Variants in CDH12 observed in about 807,000 individuals in gnomAD.
The protein encoded by CDH12 is cadherin-12.
In CDH12, 41 loss-of-function variants were observed where a neutral mutation model predicts 74.1. The observed-to-expected ratio is 0.55, with a 90% CI of 0.43 to 0.72. CDH12 has a LOEUF of 0.72. CDH12 is among the 30% of genes least tolerant of loss of function. CDH12 has a pLI of 0.00. For missense variants in CDH12, 945 were observed against 977.2 expected (o/e 0.97, Z 0.44); for synonymous variants, 399 against 355.0 (o/e 1.12, Z -1.39).
intron 5 of CDH12, among the ~76,000 whole-genome samples, chr5:21,988,319 C>T (rs774430613): frequency 6.6e-6 from 1 of 151,622 alleles, no homozygotes; most frequent in Non-Finnish European, 1.5e-5. Flanking sequence ...TGATGAAAAC[C>T]TCTCTCTACT....
chr5:22,612,756 T>G (rs1737475960), intron 1 of CDH12, among the ~76,000 whole-genome samples: 1 of 152,082 alleles, frequency 6.6e-6, no homozygotes. Flanking sequence ...TTAGCCCTTC[T>G]CCCCTGCTTA....
At chr5:22,645,439 C>T (rs967891283) in intron 1 of CDH12, among the ~76,000 whole-genome samples, 2 of 152,020 alleles carry the variant, frequency 1.3e-5, no homozygotes, top group South Asian at 2.1e-4. Flanking sequence ...GCTGATAAAA[C>T]TTGAACAGAT....
intron 3 of CDH12, among the ~76,000 whole-genome samples, chr5:22,328,825 T>C (rs1443987317): frequency 6.6e-6 from 1 of 152,162 alleles, no homozygotes; most frequent in Admixed American, 6.5e-5. Flanking sequence ...GTCATGGGCT[T>C]TTAAGAAATC....
chr5:22,527,141 T>C lies in CDH12; in HGVS notation c.-522-21777A>G, dbSNP rs527647570. Reference sequence around the variant, plus strand: ...TCATTTCATTTTGTACCAAGCACAGTTCAACTGCTAAAAGTTCTTAGGTCC... The same window carrying C: ...TCATTTCATTTTGTACCAAGCACAGCTCAACTGCTAAAAGTTCTTAGGTCC... On this transcript the variant is annotated intron_variant, in intron 1 of 14. Transcript: ENST00000382254. Among the ~76,000 whole-genome samples the C allele has an allele frequency of 7.2e-5, 11 of 152,216 alleles. No homozygotes were observed. In the East Asian group the frequency reaches 2.1e-3, roughly 29 times the overall value.
At chr5:21,915,468 A>G (rs897607171) in intron 6 of CDH12, among the ~76,000 whole-genome samples, 30 of 152,312 alleles carry the variant, frequency 2.0e-4, no homozygotes, top group Middle Eastern at 6.8e-3. Context: ...AATAATAGGA[A>G]TAAGTGTAAG....
intron 4 of CDH12, among the ~76,000 whole-genome samples, chr5:22,086,489 A>G (rs28607711): frequency 0.35 from 53,240 of 151,826 alleles, 11,565 homozygotes; most frequent in African/African-American, 0.62. Context: ...GATTACAGGC[A>G]CGTGCCAACA....
At chr5:21,999,824 T>C (rs538098968) in intron 5 of CDH12, among the ~76,000 whole-genome samples, 82 of 151,746 alleles carry the variant, frequency 5.4e-4, no homozygotes, top group African/African-American at 1.9e-3. Flanking sequence ...GCATAGACTT[T>C]AAAATCAACT....
At chr5:22,631,698 G>A (rs1738594242) in intron 1 of CDH12, among the ~76,000 whole-genome samples, 2 of 152,152 alleles carry the variant, frequency 1.3e-5, no homozygotes, top group African/African-American at 4.8e-5. Flanking sequence ...TCTGCAGGCT[G>A]TATAGGAAGC....
At chr5:22,789,218 A>G (rs573718232) in intron 1 of CDH12, among the ~76,000 whole-genome samples, 1 of 152,256 alleles carries the variant, frequency 6.6e-6, no homozygotes, top group East Asian at 1.9e-4. Flanking sequence ...AGAGAATTTT[A>G]GTTTTAACTT....
chr5:22,059,253 CTCTATCTATCTA>C (rs11438319), intron 5 of CDH12, among the ~76,000 whole-genome samples: 50 of 144,322 alleles, frequency 3.5e-4, no homozygotes, highest in African/African-American at 1.0e-3. Context: ...TTTCCTTGTA[CTCTATCTATCTA>C]TCTATCTATC....
At chr5:22,494,302 C>T (rs938501313) in intron 2 of CDH12, among the ~76,000 whole-genome samples, 5 of 152,150 alleles carry the variant, frequency 3.3e-5, no homozygotes, top group African/African-American at 7.2e-5. Flanking sequence ...ATCGGTGTGT[C>T]TAAACGGTCC....
intron 6 of CDH12, among the ~76,000 whole-genome samples, chr5:21,952,584 G>A (rs1755912716): frequency 1.3e-5 from 2 of 152,150 alleles, no homozygotes; most frequent in South Asian, 4.1e-4. Flanking sequence ...TTTTGGAATG[G>A]TGTTCTCAGA....
chr5:21,934,235 G>C (rs149172348), intron 6 of CDH12, among the ~76,000 whole-genome samples: 1 of 152,268 alleles, frequency 6.6e-6, no homozygotes, highest in East Asian at 1.9e-4. Context: ...GACGTGATTG[G>C]ATCATAGGGG....
At chr5:21,990,996 T>C (rs1210690179) in intron 5 of CDH12, among the ~76,000 whole-genome samples, 1 of 151,886 alleles carries the variant, frequency 6.6e-6, no homozygotes, top group East Asian at 1.9e-4. Context: ...GAATCTATGT[T>C]CAGAGAATTG....
intron 6 of CDH12, among the ~76,000 whole-genome samples, chr5:21,921,605 T>G (rs1202003587): frequency 3.3e-5 from 5 of 152,162 alleles, no homozygotes; most frequent in African/African-American, 1.2e-4. Flanking sequence ...ACAGCAACGT[T>G]TACTGGAGTC....
intron 5 of CDH12, among the ~76,000 whole-genome samples, chr5:22,033,218 C>T (rs1356883847): frequency 6.6e-6 from 1 of 151,980 alleles, no homozygotes; most frequent in African/African-American, 2.4e-5. Context: ...ATTTATTGCT[C>T]CAGGAAATTT....
At position 22,115,067 on chromosome 5, in the gene CDH12, A is replaced by G. The variant is rs146908206; in HGVS notation, c.-186-36205T>C. On this transcript the variant is annotated intron_variant, in intron 4 of 14. Coordinates refer to ENST00000382254, the MANE Select transcript of CDH12 (RefSeq NM_004061.5). ...CAGTCAATAAATCCCAGGGTAATCT[A>G]CATTCTCTTTTAACCACCCAGATAA... Among the ~76,000 whole-genome samples the G allele has an allele frequency of 3.0e-3, 454 of 152,318 alleles. 7 individuals carry two copies. The highest frequency in any genetic ancestry group is 0.011 in the African/African-American group (442 of 41,558).
At chr5:22,118,164 T>A (rs2150271128) in intron 4 of CDH12, among the ~76,000 whole-genome samples, 1 of 152,264 alleles carries the variant, frequency 6.6e-6, no homozygotes, top group Non-Finnish European at 1.5e-5. Context: ...CAAACACAAT[T>A]TTTTCACAAC....
At chr5:21,978,214 T>C (rs1361285323) in intron 5 of CDH12, among the ~76,000 whole-genome samples, 1 of 152,156 alleles carries the variant, frequency 6.6e-6, no homozygotes, top group African/African-American at 2.4e-5. Flanking sequence ...TGATCTCGGC[T>C]CACTGCAACC....
Sources: gnomAD v4.1 joint callset for allele counts (sites outside exome capture counted in the v4.1 genomes callset) on GRCh38, gnomAD v4.1.1 for gene constraint, MANE v1.5 for transcripts, NCBI Gene and HGNC (gene_info 2026-07-23, HGNC 2026-07-21) for gene names.